Variants in PLA2G4C observed in about 807,000 individuals in gnomAD.
PLA2G4C encodes the protein phospholipase A2 group IVC, also known as cytosolic phospholipase A2 gamma.
Under a neutral mutation model 73.8 loss-of-function variants are expected in PLA2G4C, and 64 were observed. The observed-to-expected ratio is 0.87, with a 90% CI of 0.71 to 1.07. The LOEUF (loss-of-function observed/expected upper bound fraction) is 1.07, where lower values mean the gene tolerates loss of function less well. Ranked by LOEUF, PLA2G4C falls within the 50% of genes least tolerant of loss-of-function variation. The pLI is 0.00. For missense variants in PLA2G4C, 622 were observed against 665.4 expected (o/e 0.93, Z 0.72); for synonymous variants, 254 against 252.1 (o/e 1.01, Z -0.07).
intron 16 of PLA2G4C, among the ~76,000 whole-genome samples, chr19:48,051,042 A>G (rs1967706561): frequency 6.6e-6 from 1 of 152,120 alleles, no homozygotes; most frequent in African/African-American, 2.4e-5. Context: ...TGAGATGAGG[A>G]GAGGATCCTG....
At chr19:48,105,082 C>CAAAAAAAAAAAAAAAAAAAAAAAAAAAA (rs3083068) in intron 3 of PLA2G4C, among the ~76,000 whole-genome samples, 1 of 87,618 alleles carries the variant, frequency 1.1e-5, no homozygotes, top group Admixed American at 1.4e-4. Flanking sequence ...GACGTTGTCT[C>CAAAAAAAAAAAAAAAAAAAAAAAAAAAA]AAAAAAAAAA....
At chr19:48,058,168 G>A (rs1010166893) in intron 14 of PLA2G4C, among the ~76,000 whole-genome samples, 5 of 151,918 alleles carry the variant, frequency 3.3e-5, no homozygotes, top group African/African-American at 1.2e-4. Context: ...GTGTGGTGGC[G>A]CATGCCTGTA....
chr19:48,063,370 C>T (rs1968271962), intron 13 of PLA2G4C, among the ~76,000 whole-genome samples: 1 of 152,050 alleles, frequency 6.6e-6, no homozygotes, highest in African/African-American at 2.4e-5. Flanking sequence ...TTAGCCTTTC[C>T]AACTGGAGGC....
In PLA2G4C at chr19:48,110,611, C is replaced by A; in HGVS notation, c.-157G>T. On this transcript the variant is annotated 5_prime_UTR_variant, in exon 1 of 17. Transcript: ENST00000599921. ...TGGACAGCTCCTTCAGCCGGAATCT[C>A]CGCGGGTGAAGACTGCGGGGATCCT... 1.3e-6 allele frequency: 1 copy of A among 767,360 alleles called. No individual in the cohort carries two copies. The highest frequency in any genetic ancestry group is 1.7e-6 in the Non-Finnish European group (1 of 600,496). 47.5% of individuals were successfully genotyped at this position (767,360 alleles called of 1,614,324 possible).
intron 4 of PLA2G4C, among the ~76,000 whole-genome samples, chr19:48,101,126 A>ATATATATATATATATATATT (rs1491313107): frequency 2.7e-5 from 2 of 74,154 alleles, no homozygotes; most frequent in African/African-American, 1.3e-4. Flanking sequence ...ATATATATAT[A>ATATATATATATATATATATT]TTTTTTTTTT....
intron 14 of PLA2G4C, among the ~76,000 whole-genome samples, chr19:48,060,290 G>T (rs1304452899): frequency 6.6e-6 from 1 of 151,934 alleles, no homozygotes; most frequent in Non-Finnish European, 1.5e-5. Flanking sequence ...TTCCATACTC[G>T]GTCATTAAAA....
intron 6 of PLA2G4C, 171 bp downstream of exon 6, chr19:48,097,968 C>A: frequency 1.5e-6 from 1 of 664,514 alleles, no homozygotes; most frequent in Non-Finnish European, 2.5e-6. Flanking sequence ...CCTCTGGTCA[C>A]TTCTGGGACT....
chr19:48,056,896 C>T (rs1002085476), intron 14 of PLA2G4C, among the ~76,000 whole-genome samples: 1 of 147,122 alleles, frequency 6.8e-6, no homozygotes, highest in Non-Finnish European at 1.5e-5. Flanking sequence ...AAACCAAATA[C>T]TGCATGTTCT....
intron 10 of PLA2G4C, among the ~76,000 whole-genome samples, chr19:48,083,697 T>C (rs910312751): frequency 3.3e-5 from 5 of 152,060 alleles, no homozygotes; most frequent in Non-Finnish European, 7.4e-5. Context: ...TCTGCCCACC[T>C]CAGCCTCCCA....
intron 10 of PLA2G4C, among the ~76,000 whole-genome samples, chr19:48,078,642 A>G (rs543891041): frequency 6.6e-6 from 1 of 152,174 alleles, no homozygotes; most frequent in Non-Finnish European, 1.5e-5. Context: ...AAAATAAAAT[A>G]CTCAGGAATA....
At chr19:48,089,176 C>G (rs1045551170) in intron 8 of PLA2G4C, among the ~76,000 whole-genome samples, 8 of 152,116 alleles carry the variant, frequency 5.3e-5, no homozygotes, top group African/African-American at 1.9e-4. Context: ...GCCTGTAATC[C>G]TAGCACACTG....
chr19:48,054,844 G>C, intron 15 of PLA2G4C, 34 bp downstream of exon 15: 1 of 1,597,386 alleles, frequency 6.3e-7, no homozygotes, highest in South Asian at 1.1e-5. Flanking sequence ...GACTAATACA[G>C]GTGGCTTCTC....
At chr19:48,093,664 C>G (rs2031424231) in intron 7 of PLA2G4C, among the ~76,000 whole-genome samples, 1 of 152,188 alleles carries the variant, frequency 6.6e-6, no homozygotes, top group Non-Finnish European at 1.5e-5. Flanking sequence ...TCCAGCCTCA[C>G]TGGTCTTCTC....
intron 12 of PLA2G4C, among the ~76,000 whole-genome samples, chr19:48,068,336 CA>C (rs1185541052): frequency 7.0e-6 from 1 of 142,514 alleles, no homozygotes; most frequent in East Asian, 2.1e-4. Context: ...GTGGGGGGGT[CA>C]TTCAGGATAA....
intron 11 of PLA2G4C, among the ~76,000 whole-genome samples, chr19:48,076,106 C>G (rs1248758807): frequency 2.0e-5 from 3 of 152,222 alleles, no homozygotes; most frequent in African/African-American, 4.8e-5. Flanking sequence ...GCCAGCCAGC[C>G]TATGTATGGC....
intron 14 of PLA2G4C, among the ~76,000 whole-genome samples, chr19:48,058,411 T>G (rs1968041507): frequency 6.6e-6 from 1 of 152,104 alleles, no homozygotes; most frequent in Non-Finnish European, 1.5e-5. Flanking sequence ...GCACTGAGAT[T>G]ACAGGAGTGA....
At chr19:48,108,508 G>A (rs1017368086) in intron 1 of PLA2G4C, among the ~76,000 whole-genome samples, 13 of 152,134 alleles carry the variant, frequency 8.5e-5, no homozygotes, top group African/African-American at 2.4e-4. Flanking sequence ...TAAATCATGC[G>A]ACCCCTGGTT....
At chr19:48,099,074 A>T (rs2031765075) in intron 5 of PLA2G4C, among the ~76,000 whole-genome samples, 1 of 149,220 alleles carries the variant, frequency 6.7e-6, no homozygotes. Flanking sequence ...AGCCTGGGCA[A>T]TATAGCAAGA....
chr19:48,063,547 C>A (rs1600169515), intron 13 of PLA2G4C, among the ~76,000 whole-genome samples: 2 of 118,768 alleles, frequency 1.7e-5, no homozygotes, highest in African/African-American at 3.2e-5. Context: ...AAATGATAAG[C>A]CCCTCCCCCC....
Sources: gnomAD v4.1 joint callset for allele counts (sites outside exome capture counted in the v4.1 genomes callset) on GRCh38, gnomAD v4.1.1 for gene constraint, MANE v1.5 for transcripts, NCBI Gene and HGNC (gene_info 2026-07-23, HGNC 2026-07-21) for gene names.